Variants in CDH10 observed in about 807,000 individuals in gnomAD.
CDH10 encodes the protein cadherin-10.
CDH10 carries 30 observed loss-of-function variants against 73.1 expected under a neutral mutation model. The ratio of observed to expected loss-of-function variants is 0.41; its 90% CI spans 0.31 to 0.56. The LOEUF is 0.56. Ranked by LOEUF, CDH10 falls within the 20% of genes least tolerant of loss-of-function variation. CDH10 has a pLI of 0.27. For synonymous variants in CDH10, 345 were observed against 348.2 expected (o/e 0.99, Z 0.10); for missense variants, 815 against 973.7 (o/e 0.84, Z 2.17).
chr5:24,537,480 T>C lies in CDH10; in HGVS notation c.426A>G (p.Pro142=), dbSNP rs771367721. The C allele has an allele frequency of 6.2e-7, 1 of 1,612,776 alleles. No individual in the cohort carries two copies. The highest frequency in any genetic ancestry group is 8.5e-7 in the Non-Finnish European group (1 of 1,178,930). Residue 142 remains proline (P), a synonymous_variant, in exon 3 of 12, where the codon CCA becomes CCG. Transcript: ENST00000264463. Reference sequence around the variant, plus strand: ...GAATTTTGATCACAAACTCTGACTCTGGCTCTACTGGCCTCAGAGTTCTTC... The same window carrying C: ...GAATTTTGATCACAAACTCTGACTCCGGCTCTACTGGCCTCAGAGTTCTTC... The part of the protein sequence containing the change: ...INRRTLRPVE[P]ESEFVIKIHD...
At chr5:24,567,086 C>G (rs918929578) in intron 2 of CDH10, among the ~76,000 whole-genome samples, 4 of 151,956 alleles carry the variant, frequency 2.6e-5, no homozygotes, top group African/African-American at 9.7e-5. Flanking sequence ...TTTTATTAAG[C>G]CATATTAAGG....
At chr5:24,524,657 TAGTATGGTTACCCATTTAAGCACAA>T (rs1300209147) in intron 5 of CDH10, among the ~76,000 whole-genome samples, 1 of 152,118 alleles carries the variant, frequency 6.6e-6, no homozygotes. Flanking sequence ...GGTACATTCT[TAGTATGGTTACCCATTTAAGCACAA>T]AGGCATGAAT....
chr5:24,535,278 A>G lies in CDH10; in HGVS notation c.648T>C (p.Gly216=), dbSNP rs781204519. The change falls in exon 5 of 12, where the codon GGT becomes GGC. Residue 216 remains glycine (G), a splice_region_variant and synonymous_variant. Transcript: ENST00000264463. Reference sequence around the variant, plus strand: ...TGTTCGGTAAAGCAGTCCTGATGATACCTTGAGAAAATATAAAAAAACTTC... The same window carrying G: ...TGTTCGGTAAAGCAGTCCTGATGATGCCTTGAGAAAATATAAAAAAACTTC... ...QPYFSVEPET[G]IIRTALPNMN... The G allele has an allele frequency of 1.9e-6, 3 of 1,601,310 alleles. No individual in the cohort carries two copies. The highest frequency in any genetic ancestry group is 1.1e-5 in the South Asian group (1 of 87,894).
intron 7 of CDH10, among the ~76,000 whole-genome samples, chr5:24,505,520 T>C (rs1233896417): frequency 6.6e-6 from 1 of 152,192 alleles, no homozygotes; most frequent in East Asian, 1.9e-4. Context: ...TCAACTGACT[T>C]TGATATATTT....
rs186419483 is a variant in CDH10 at position 24,500,305 on chromosome 5, C to T, written c.1394-1786G>A. ...GCTTAGCAGGGATATATTTACAAGG[C>T]TGAGCGAGAATAAAGAAAGGCAGAC... is the stretch of plus-strand genomic sequence containing the variant. On this transcript the variant is annotated intron_variant, in intron 8 of 11. Transcript: ENST00000264463. Among the ~76,000 whole-genome samples the T allele has an allele frequency of 2.6e-3, 403 of 152,284 alleles. 3 individuals carry two copies. The highest frequency in any genetic ancestry group is 9.0e-3 in the African/African-American group (374 of 41,554).
At chr5:24,554,507 T>C (rs1468322498) in intron 2 of CDH10, among the ~76,000 whole-genome samples, 2 of 53,038 alleles carry the variant, frequency 3.8e-5, no homozygotes, top group Admixed American at 1.6e-4. Context: ...TGTGTGTGTG[T>C]GTGTGTGTGT....
intron 1 of CDH10, among the ~76,000 whole-genome samples, chr5:24,601,788 C>T (rs540140778): frequency 1.3e-5 from 2 of 151,556 alleles, no homozygotes; most frequent in Admixed American, 6.6e-5. Context: ...GGGTTAAAGT[C>T]GTAAATTAGT....
intron 2 of CDH10, among the ~76,000 whole-genome samples, chr5:24,586,189 A>C (rs1745987476): frequency 6.6e-6 from 1 of 152,118 alleles, no homozygotes; most frequent in African/African-American, 2.4e-5. Context: ...TTAACATTTT[A>C]ATTCAAAGTT....
chr5:24,511,300 A>T (rs1186350268), intron 6 of CDH10, 27 bp downstream of exon 6: 1 of 1,448,552 alleles, frequency 6.9e-7, no homozygotes, highest in East Asian at 2.3e-5. Context: ...AAACACACAG[A>T]TGCTTATTTA....
intron 2 of CDH10, among the ~76,000 whole-genome samples, chr5:24,583,935 G>A (rs565193400): frequency 1.1e-3 from 161 of 152,246 alleles, no homozygotes; most frequent in Non-Finnish European, 2.0e-3. Flanking sequence ...GAGCCACCGT[G>A]CCCGGCCAAG....
chr5:24,631,659 C>G (rs1328994044), intron 1 of CDH10, among the ~76,000 whole-genome samples: 1 of 151,904 alleles, frequency 6.6e-6, no homozygotes, highest in Non-Finnish European at 1.5e-5. Flanking sequence ...CCAATCATAT[C>G]GCAAGCAGAA....
At chr5:24,583,697 G>T (rs114583426) in intron 2 of CDH10, among the ~76,000 whole-genome samples, 1,571 of 152,264 alleles carry the variant, frequency 0.01, 34 homozygotes, top group African/African-American at 0.036. Context: ...CTATGCTGGA[G>T]TGCAGTGGCG....
chr5:24,552,513 C>T (rs1744583244), intron 2 of CDH10, among the ~76,000 whole-genome samples: 1 of 151,782 alleles, frequency 6.6e-6, no homozygotes, highest in African/African-American at 2.4e-5. Context: ...TGTCTATTAT[C>T]CTATTGCTAA....
chr5:24,622,364 G>A (rs1311571142), intron 1 of CDH10, among the ~76,000 whole-genome samples: 1 of 152,180 alleles, frequency 6.6e-6, no homozygotes, highest in African/African-American at 2.4e-5. Flanking sequence ...CAAGGAGGGA[G>A]AAGAAAGGGC....
intron 1 of CDH10, among the ~76,000 whole-genome samples, chr5:24,619,223 TCA>T (rs1443143285): frequency 6.6e-6 from 1 of 152,046 alleles, no homozygotes; most frequent in Non-Finnish European, 1.5e-5. Flanking sequence ...AGACGTAGTC[TCA>T]CTCTGCCACC....
intron 5 of CDH10, among the ~76,000 whole-genome samples, chr5:24,514,426 C>T (rs1426539071): frequency 6.6e-6 from 1 of 152,126 alleles, no homozygotes; most frequent in East Asian, 1.9e-4. Flanking sequence ...CTTTTTCCTT[C>T]CTTATGAAAG....
chr5:24,590,154 G>A (rs1445691106), intron 2 of CDH10, among the ~76,000 whole-genome samples: 4 of 151,832 alleles, frequency 2.6e-5, no homozygotes, highest in Admixed American at 6.6e-5. Flanking sequence ...TATTTATGGC[G>A]ATCTCAACAA....
chr5:24,594,866 T>G (rs989145380), intron 1 of CDH10, among the ~76,000 whole-genome samples: 1 of 151,986 alleles, frequency 6.6e-6, no homozygotes, highest in Non-Finnish European at 1.5e-5. Flanking sequence ...TTTTACTCTT[T>G]TCTTCATCAC....
At chr5:24,572,986 C>T (rs959222111) in intron 2 of CDH10, among the ~76,000 whole-genome samples, 1 of 106,514 alleles carries the variant, frequency 9.4e-6, no homozygotes, top group South Asian at 3.2e-4. Context: ...AACAAAAAGA[C>T]GTACACAAAA....
Sources: allele counts gnomAD v4.1 joint callset (sites outside exome capture counted in the v4.1 genomes callset), GRCh38; gene constraint gnomAD v4.1.1; transcripts MANE v1.5; gene names NCBI Gene and HGNC (gene_info 2026-07-23, HGNC 2026-07-21).